VPS13B: variants seen among roughly 807,000 people sequenced by gnomAD.
The protein encoded by VPS13B is vacuolar protein sorting 13 homolog B, also known as intermembrane lipid transfer protein VPS13B.
Under a neutral mutation model 426.4 loss-of-function variants are expected in VPS13B, and 285 were observed. The observed-to-expected ratio is 0.67, with a 90% CI of 0.61 to 0.74. The LOEUF is 0.74. Among genes scored for constraint, VPS13B ranks in the 30% least tolerant of loss-of-function variants. The pLI is 0.00. For missense variants in VPS13B, 4,537 were observed against 4,782.6 expected (o/e 0.95, Z 1.51); for synonymous variants, 1,676 against 1,676.4 (o/e 1.00, Z 0.01).
chr8:99,188,468 A>G (rs1469809802), intron 16 of VPS13B, among the ~76,000 whole-genome samples: 1 of 152,126 alleles, frequency 6.6e-6, no homozygotes, highest in Non-Finnish European at 1.5e-5. Context: ...CATTTTGTTT[A>G]TTCATCAGTT....
intron 21 of VPS13B, among the ~76,000 whole-genome samples, chr8:99,425,483 G>C (rs1816644069): frequency 6.6e-6 from 1 of 152,132 alleles, no homozygotes; most frequent in South Asian, 2.1e-4. Flanking sequence ...TATCTCAATA[G>C]ATGCAGAAAA....
chr8:99,043,427 T>C (rs534642386), intron 3 of VPS13B, among the ~76,000 whole-genome samples: 5,727 of 152,270 alleles, frequency 0.038, 132 homozygotes, highest in Middle Eastern at 0.068. Flanking sequence ...GTATCACCTC[T>C]CTCTTAGCTT....
chr8:99,636,493 T>C (rs1181479420), intron 33 of VPS13B, among the ~76,000 whole-genome samples: 1 of 152,014 alleles, frequency 6.6e-6, no homozygotes, highest in African/African-American at 2.4e-5. Flanking sequence ...CAGTTCCATT[T>C]AACATAACCC....
At chr8:99,446,533 C>A (rs749648521) in intron 23 of VPS13B, among the ~76,000 whole-genome samples, 3 of 152,006 alleles carry the variant, frequency 2.0e-5, no homozygotes, top group Admixed American at 6.6e-5. Flanking sequence ...ATATGTTGGA[C>A]TTTTTTGATT....
intron 16 of VPS13B, among the ~76,000 whole-genome samples, chr8:99,180,947 C>T (rs1812915353): frequency 6.6e-6 from 1 of 152,060 alleles, no homozygotes; most frequent in Non-Finnish European, 1.5e-5. Flanking sequence ...GATTGTGACA[C>T]CAGTGGTGGA....
chr8:99,745,759 GTCCTAGTTACATC>G (rs1810050037), intron 39 of VPS13B, among the ~76,000 whole-genome samples: 1 of 151,912 alleles, frequency 6.6e-6, no homozygotes, highest in Admixed American at 6.6e-5. Flanking sequence ...TCAGTATCTT[GTCCTAGTTACATC>G]TGTTCTCCAC....
intron 3 of VPS13B, among the ~76,000 whole-genome samples, chr8:99,042,059 G>A (rs890376893): frequency 6.6e-6 from 1 of 151,438 alleles, no homozygotes; most frequent in Non-Finnish European, 1.5e-5. Context: ...AGAATTGCTT[G>A]AACCCAGGAG....
intron 17 of VPS13B, among the ~76,000 whole-genome samples, chr8:99,227,347 T>C (rs552450446): frequency 6.6e-6 from 1 of 152,178 alleles, no homozygotes; most frequent in African/African-American, 2.4e-5. Context: ...ATATAATTCA[T>C]ACATGTTTAT....
At chr8:99,046,583 G>A (rs1406276947) in intron 3 of VPS13B, among the ~76,000 whole-genome samples, 1 of 152,016 alleles carries the variant, frequency 6.6e-6, no homozygotes, top group East Asian at 1.9e-4. Context: ...TTCCAGTACT[G>A]TTTAAGAGGA....
intron 3 of VPS13B, among the ~76,000 whole-genome samples, chr8:99,039,250 C>T (rs1842871479): frequency 6.6e-6 from 1 of 152,046 alleles, no homozygotes; most frequent in South Asian, 2.1e-4. Context: ...GGGAATTTCT[C>T]AGGTTATTTT....
intron 19 of VPS13B, among the ~76,000 whole-genome samples, chr8:99,332,174 A>G (rs1367213759): frequency 6.6e-6 from 1 of 151,730 alleles, no homozygotes; most frequent in Non-Finnish European, 1.5e-5. Context: ...CCAAAACTAT[A>G]TTAGGTGAAC....
intron 33 of VPS13B, among the ~76,000 whole-genome samples, chr8:99,603,355 C>G (rs1169540292): frequency 6.6e-6 from 1 of 152,130 alleles, no homozygotes; most frequent in East Asian, 1.9e-4. Flanking sequence ...TATGTTTTTC[C>G]TGCACATACA....
intron 34 of VPS13B, among the ~76,000 whole-genome samples, chr8:99,643,871 A>G (rs144438533): frequency 2.0e-5 from 3 of 152,304 alleles, no homozygotes; most frequent in Non-Finnish European, 4.4e-5. Context: ...GGGCAATGAA[A>G]ATGTGGGAGA....
Position 99,790,630 on chromosome 8 carries a change from A to C in VPS13B, c.7941+6154A>C, listed in dbSNP as rs143851090. On this transcript the variant is annotated intron_variant, in intron 43 of 61. Transcript: ENST00000357162. ...GGAATCAGGAAGTAAAATCAATTGCATCTGGATATGAACAAAGTCTTAATG... is the reference window on the plus strand; with the variant it reads ...GGAATCAGGAAGTAAAATCAATTGCCTCTGGATATGAACAAAGTCTTAATG... Among the ~76,000 whole-genome samples, 947 of 152,308 alleles carry C rather than the reference A, an allele frequency of 6.2e-3. 8 individuals are homozygous for C. The highest frequency in any genetic ancestry group is 0.021 in the African/African-American group (889 of 41,562).
At chr8:99,367,248 T>G (rs1812941623) in intron 19 of VPS13B, among the ~76,000 whole-genome samples, 1 of 152,240 alleles carries the variant, frequency 6.6e-6, no homozygotes, top group Non-Finnish European at 1.5e-5. Flanking sequence ...CCTTCATGTT[T>G]GAATGATATT....
intron 34 of VPS13B, among the ~76,000 whole-genome samples, chr8:99,657,290 C>A (rs1488540710): frequency 6.6e-6 from 1 of 152,114 alleles, no homozygotes; most frequent in Non-Finnish European, 1.5e-5. Context: ...TTTGCTATTC[C>A]CCCAGTTTAT....
At chr8:99,526,475 G>A (rs1221050657) in intron 30 of VPS13B, among the ~76,000 whole-genome samples, 1 of 152,154 alleles carries the variant, frequency 6.6e-6, no homozygotes, top group Non-Finnish European at 1.5e-5. Flanking sequence ...GGCAAAGTTA[G>A]TAGCTGTGGA....
intron 17 of VPS13B, among the ~76,000 whole-genome samples, chr8:99,200,543 C>G (rs1814249471): frequency 6.6e-6 from 1 of 152,158 alleles, no homozygotes; most frequent in African/African-American, 2.4e-5. Context: ...TGGTTCTAAT[C>G]TCTCCACATC....
At position 99,577,589 on chromosome 8, in the gene VPS13B, G is replaced by A; in HGVS notation, c.5176G>A (p.Val1726Ile). 1.2e-6 allele frequency: 2 copies of A among 1,613,812 alleles called. No individual in the cohort carries two copies. The highest frequency in any genetic ancestry group is 1.7e-6 in the Non-Finnish European group (2 of 1,179,782). Residue 1726 changes from valine (V) to isoleucine (I), a missense_variant, in exon 33 of 62, where the codon GTA becomes ATA. Physicochemically the swap from Val to Ile is conservative, Grantham distance 29. Transcript: ENST00000357162. ...AQVQLLHQLI[V>I]ANMTGLEPSN... ...AGTTCAACTCTTACATCAGTTAATA[G>A]TAGCAAATATGACTGGACTGGAACC...
Sources: allele counts gnomAD v4.1 joint callset (sites outside exome capture counted in the v4.1 genomes callset), GRCh38; gene constraint gnomAD v4.1.1; transcripts MANE v1.5; gene names NCBI Gene and HGNC (gene_info 2026-07-23, HGNC 2026-07-21).